The following GLT8D2 variants were observed in gnomAD, a reference collection of about 807,000 sequenced individuals.
The protein encoded by GLT8D2 is glycosyltransferase 8 domain containing 2, also known as glycosyltransferase 8 domain-containing protein 2.
GLT8D2 carries 45 observed loss-of-function variants against 44.5 expected under a neutral mutation model. That is an observed-to-expected ratio of 1.01 (90% CI 0.80 to 1.30). The LOEUF (loss-of-function observed/expected upper bound fraction) is 1.30. Ranked by LOEUF, GLT8D2 falls within the 50% of genes most tolerant of loss-of-function variation. The pLI is 0.00. For synonymous variants in GLT8D2, 156 were observed against 157.2 expected (o/e 0.99, Z 0.06); for missense variants, 400 against 430.4 (o/e 0.93, Z 0.62).
intron 1 of GLT8D2, among the ~76,000 whole-genome samples, chr12:104,035,079 C>T (rs1017425512): frequency 1.3e-5 from 2 of 152,234 alleles, no homozygotes; most frequent in African/African-American, 4.8e-5. Flanking sequence ...AGGGACCTGA[C>T]TGTTAGAAGG....
At chr12:104,023,714 G>C (rs767404413) in intron 1 of GLT8D2, among the ~76,000 whole-genome samples, 3 of 152,122 alleles carry the variant, frequency 2.0e-5, no homozygotes, top group African/African-American at 2.4e-5. Flanking sequence ...CCAGCCCTTG[G>C]CAACCACTGA....
chr12:104,005,499 T>C (rs1438510894), intron 4 of GLT8D2, among the ~76,000 whole-genome samples: 5 of 152,142 alleles, frequency 3.3e-5, no homozygotes, highest in Admixed American at 2.0e-4. Flanking sequence ...AAAGGGCTAA[T>C]AGCCAGAATC....
At position 104,014,470 on chromosome 12, in the gene GLT8D2, C is replaced by T. The variant is rs143083287; in HGVS notation, c.112+543G>A. On this transcript the variant is annotated intron_variant, in intron 4 of 10. Coordinates refer to ENST00000360814, the MANE Select transcript of GLT8D2 (RefSeq NM_001384711.1). The stretch of plus-strand genomic sequence containing the variant: ...GGTGCCATCTCAGGCAATTCACCCC[C>T]GAGGAGGGAAACATGGTTCTCAGTG... 36 of 570,456 alleles carry T rather than the reference C, an allele frequency of 6.3e-5. No individual in the cohort carries two copies. In the East Asian group the frequency reaches 9.2e-4, roughly 15 times the overall value. The allele number at this position is 570,456 out of a possible 1,614,324, so 35.3% of individuals were successfully genotyped here. A position where few individuals can be genotyped will look rare whatever the true frequency, so the allele number is the denominator to read the frequency against.
chr12:104,017,290 A>G (rs779266430), intron 3 of GLT8D2, among the ~76,000 whole-genome samples: 2 of 152,094 alleles, frequency 1.3e-5, no homozygotes, highest in Non-Finnish European at 2.9e-5. Flanking sequence ...TCTATTATGA[A>G]GTACACTTAT....
chr12:104,014,344 G>T, intron 4 of GLT8D2: 1 of 675,806 alleles, frequency 1.5e-6, no homozygotes, highest in Non-Finnish European at 2.7e-6. Context: ...AACAGAGTGA[G>T]ATTCTGTCTC....
intron 4 of GLT8D2, among the ~76,000 whole-genome samples, chr12:104,008,046 G>A (rs1217560869): frequency 6.6e-6 from 1 of 152,224 alleles, no homozygotes; most frequent in African/African-American, 2.4e-5. Context: ...GTCTTTATCA[G>A]CAGCATGAAA....
intron 1 of GLT8D2, among the ~76,000 whole-genome samples, chr12:104,060,515 C>A (rs912448111): frequency 1.3e-5 from 2 of 152,138 alleles, no homozygotes; most frequent in Non-Finnish European, 2.9e-5. Context: ...AAGCCTTAAC[C>A]CGCTGTACCT....
intron 10 of GLT8D2, among the ~76,000 whole-genome samples, chr12:103,991,519 A>G (rs1029448748): frequency 5.5e-5 from 8 of 144,398 alleles, no homozygotes; most frequent in African/African-American, 2.1e-4. Context: ...TGTAATTCTG[A>G]GTCTGTCTCA....
chr12:104,029,501 T>C (rs1878990650), intron 1 of GLT8D2, among the ~76,000 whole-genome samples: 1 of 152,164 alleles, frequency 6.6e-6, no homozygotes, highest in Non-Finnish European at 1.5e-5. Context: ...CAGGGTTGTT[T>C]GTGTGTAGAA....
upstream of GLT8D2, among the ~76,000 whole-genome samples, chr12:104,054,004 A>T (rs2136533227): frequency 6.6e-6 from 1 of 152,318 alleles, no homozygotes; most frequent in East Asian, 1.9e-4. Flanking sequence ...GACTGAATAC[A>T]TTCAAGATGT....
intron 1 of GLT8D2, among the ~76,000 whole-genome samples, chr12:104,063,081 C>G (rs536352394): frequency 1.7e-4 from 26 of 152,166 alleles, no homozygotes; most frequent in African/African-American, 6.3e-4. Flanking sequence ...AGCCCCCATC[C>G]CCTTGCCAAG....
intron 1 of GLT8D2, among the ~76,000 whole-genome samples, chr12:104,029,307 C>T (rs1878957137): frequency 6.6e-6 from 1 of 152,028 alleles, no homozygotes; most frequent in Admixed American, 6.6e-5. Context: ...AAGTGTAAAC[C>T]TTGACTGCAT....
chr12:104,023,883 T>G lies in GLT8D2; in HGVS notation c.-163-2392A>C, dbSNP rs1321643230. 2.6e-5 allele frequency among the ~76,000 whole-genome samples: 4 copies of G among 152,216 alleles called. No homozygotes were observed. The East Asian group carries it at 7.7e-4, about 29-fold the overall frequency. ...TTACCAATAGTTTGTACCTTTTTAT[T>G]GCTGAATGGTATTCCGTTGAATGGA... On this transcript the variant is annotated intron_variant, in intron 1 of 10. Coordinates refer to ENST00000360814, the MANE Select transcript of GLT8D2 (RefSeq NM_001384711.1).
upstream of GLT8D2, among the ~76,000 whole-genome samples, chr12:104,052,266 G>T (rs1311703888): frequency 6.6e-6 from 1 of 152,200 alleles, no homozygotes; most frequent in African/African-American, 2.4e-5. Flanking sequence ...AACTTTGAAG[G>T]TGGGAGGATC....
intron 4 of GLT8D2, 54 bp downstream of exon 4, chr12:104,014,959 T>TATTCAAACCACATTC: frequency 7.8e-7 from 1 of 1,286,646 alleles, no homozygotes; most frequent in Non-Finnish European, 1.1e-6. Context: ...TAGAGGAACA[T>TATTCAAACCACATTC]ATTCAAACCA....
intron 1 of GLT8D2, chr12:104,063,842 A>T (rs1882913427): frequency 1.3e-5 from 2 of 152,280 alleles, no homozygotes; most frequent in Non-Finnish European, 2.9e-5. Context: ...CACATGAGGC[A>T]CTTAGGGCAT....
intron 1 of GLT8D2, among the ~76,000 whole-genome samples, chr12:104,022,022 A>AGGG (rs1566202768): frequency 4.0e-5 from 1 of 25,270 alleles, no homozygotes; most frequent in Admixed American, 4.0e-4. Flanking sequence ...AAGAAGAAGA[A>AGGG]AAAGAAGAAG....
intron 3 of GLT8D2, among the ~76,000 whole-genome samples, chr12:104,015,437 A>C (rs150835989): frequency 1.8e-3 from 144 of 80,980 alleles, no homozygotes; most frequent in African/African-American, 4.8e-3. Flanking sequence ...CACACACACA[A>C]ATTAGCTGGG....
At chr12:104,028,699 TA>T (rs1365273121) in intron 1 of GLT8D2, among the ~76,000 whole-genome samples, 23 of 152,266 alleles carry the variant, frequency 1.5e-4, no homozygotes, top group African/African-American at 5.3e-4. Context: ...GCTAAAGTGA[TA>T]GGGGGTAAAA....
Sources: allele counts gnomAD v4.1 joint callset (sites outside exome capture counted in the v4.1 genomes callset), GRCh38; gene constraint gnomAD v4.1.1; transcripts MANE v1.5; gene names NCBI Gene and HGNC (gene_info 2026-07-23, HGNC 2026-07-21).